Variants in DCP1A observed in about 807,000 individuals in gnomAD.
DCP1A encodes the protein mRNA-decapping enzyme 1A.
In DCP1A, 20 loss-of-function variants were observed where a neutral mutation model predicts 58.0. That is an observed-to-expected ratio of 0.34 (90% CI 0.24 to 0.50). DCP1A has a LOEUF of 0.50. Among genes scored for constraint, DCP1A ranks in the 20% least tolerant of loss-of-function variants. The probability of loss-of-function intolerance (pLI) is 0.98; values close to 1 mark genes in which losing one functional copy is unlikely to be tolerated. For missense variants in DCP1A, 613 were observed against 712.2 expected (o/e 0.86, Z 1.59); for synonymous variants, 285 against 275.1 (o/e 1.04, Z -0.36).
At chr3:53,293,474 T>C (rs1707000812) in intron 6 of DCP1A, among the ~76,000 whole-genome samples, 1 of 152,218 alleles carries the variant, frequency 6.6e-6, no homozygotes, top group African/African-American at 2.4e-5. Context: ...ATAACCTTTA[T>C]TTCCTGAGTA....
In DCP1A at chr3:53,286,386, A is replaced by G. The variant is rs782524850; in HGVS notation, c.*1194T>C. Reference sequence around the variant, plus strand: ...TTCATTCAAAGAATATCTTAAAATTACTATTGCTGAAATAAATCAAAATCT... The same window carrying G: ...TTCATTCAAAGAATATCTTAAAATTGCTATTGCTGAAATAAATCAAAATCT... On this transcript the variant is annotated 3_prime_UTR_variant, in exon 10 of 10. Transcript: ENST00000610213. The G allele has an allele frequency of 1.2e-4, 19 of 152,266 alleles. No individual in the cohort carries two copies. The highest frequency in any genetic ancestry group is 2.4e-4 in the Non-Finnish European group (16 of 68,042). The allele number at this position is 152,266 out of a possible 1,614,324, so 9.4% of individuals were successfully genotyped here.
chr3:53,336,433 CT>C (rs1302008826), intron 3 of DCP1A, among the ~76,000 whole-genome samples: 1 of 152,052 alleles, frequency 6.6e-6, no homozygotes, highest in Non-Finnish European at 1.5e-5. Context: ...ATTTGCTGTT[CT>C]TTTTACTTTA....
intron 2 of DCP1A, among the ~76,000 whole-genome samples, chr3:53,343,556 T>C (rs1276437736): frequency 6.6e-6 from 1 of 152,164 alleles, no homozygotes; most frequent in Non-Finnish European, 1.5e-5. Flanking sequence ...TTTCTAGAGA[T>C]TTATATTGCT....
intron 3 of DCP1A, among the ~76,000 whole-genome samples, chr3:53,337,411 T>C (rs969502306): frequency 2.0e-5 from 3 of 152,166 alleles, no homozygotes; most frequent in Admixed American, 6.5e-5. Flanking sequence ...ATGAGATCAT[T>C]TGTTGAGTCT....
rs2089133493 is a variant in DCP1A at position 53,337,251 on chromosome 3, ATAATACTTG to A, written c.304+4884_304+4892del. The stretch of plus-strand genomic sequence containing the variant: ...GTAATGGCCCCTACAACATTTGAAA[ATAATACTTG>A]TAAAGAGACACAAAGAGCCTGCAGC... On this transcript the variant is annotated intron_variant, in intron 3 of 9. Coordinates refer to ENST00000610213, the MANE Select transcript of DCP1A (RefSeq NM_018403.7). 1.3e-5 allele frequency among the ~76,000 whole-genome samples: 2 copies of A among 152,208 alleles called. 1 individual carries two copies. Among genetic ancestry groups the A allele is most frequent in the South Asian group, 4.1e-4 (2 of 4,834 alleles).
chr3:53,338,153 T>C (rs1553692150), intron 3 of DCP1A: 2 of 449,372 alleles, frequency 4.5e-6, no homozygotes, highest in South Asian at 1.6e-5. Context: ...AACCTGTAAG[T>C]TGAGGATCAG....
intron 4 of DCP1A, among the ~76,000 whole-genome samples, chr3:53,318,311 A>C (rs1485017647): frequency 2.6e-5 from 4 of 152,220 alleles, no homozygotes; most frequent in African/African-American, 9.6e-5. Flanking sequence ...TCTAAAAAAA[A>C]CCAAATAAAG....
At chr3:53,300,488 C>T (rs1046706356) in intron 6 of DCP1A, among the ~76,000 whole-genome samples, 7 of 152,058 alleles carry the variant, frequency 4.6e-5, no homozygotes, top group Non-Finnish European at 7.4e-5. Context: ...CAGGCATGTG[C>T]CACCACCCCT....
In DCP1A at chr3:53,288,116, G is replaced by A; in HGVS notation, c.1617C>T (p.Ser539=). 1.2e-6 allele frequency: 2 copies of A among 1,613,998 alleles called. No individual in the cohort carries two copies. The highest frequency in any genetic ancestry group is 1.3e-5 in the African/African-American group (1 of 75,038). Residue 539 remains serine, a synonymous_variant, in exon 9 of 10, where the codon TCC becomes TCT. Transcript: ENST00000610213. ...GGAGCTGAGACTTGCTGAGAATAAT[G>A]GAAGGCTTTCTCTGACTTTCTGGCG... The part of the protein sequence containing the change: ...IGTPESQRKP[S]IILSKSQLQD...
intron 8 of DCP1A, 175 bp downstream of exon 8, chr3:53,290,616 T>C (rs1276308890): frequency 1.3e-5 from 9 of 672,804 alleles, no homozygotes; most frequent in Non-Finnish European, 1.8e-5. Context: ...AAAAATAATG[T>C]GTTCTTCAGA....
intron 3 of DCP1A, among the ~76,000 whole-genome samples, chr3:53,327,330 C>T (rs775310501): frequency 6.6e-6 from 1 of 152,194 alleles, no homozygotes; most frequent in Non-Finnish European, 1.5e-5. Flanking sequence ...AAATGTCTTA[C>T]CTACAATTCT....
chr3:53,341,191 A>G (rs894212134), intron 3 of DCP1A, among the ~76,000 whole-genome samples: 15 of 152,000 alleles, frequency 9.9e-5, no homozygotes, highest in African/African-American at 3.1e-4. Context: ...GTGGTGGCTC[A>G]TGCCTATAAT....
At chr3:53,347,237 C>G in intron 1 of DCP1A, 146 bp downstream of exon 1, 8 of 994,192 alleles carry the variant, frequency 8.0e-6, no homozygotes, top group Non-Finnish European at 1.1e-5. Context: ...ACCCCTCAGG[C>G]TCTGGCTAGG....
At chr3:53,337,951 T>C (rs1265110835) in intron 3 of DCP1A, 1 of 214,448 alleles carries the variant, frequency 4.7e-6, no homozygotes. Context: ...TCATTTTCCC[T>C]AATTGCAAAG....
chr3:53,345,024 G>A (rs897286719), intron 1 of DCP1A, 82 bp from the exon 2 acceptor site: 22 of 1,045,744 alleles, frequency 2.1e-5, no homozygotes, highest in East Asian at 1.5e-4. Context: ...AATGCTTCAC[G>A]TTTAAGATCA....
At chr3:53,344,826 T>C (rs781789343) in intron 2 of DCP1A, 76 bp downstream of exon 2, 8 of 1,131,662 alleles carry the variant, frequency 7.1e-6, no homozygotes, top group Non-Finnish European at 9.2e-6. Context: ...AAGACAAATG[T>C]ACAAGAGAAT....
chr3:53,300,891 G>A (rs1380644942), intron 6 of DCP1A, among the ~76,000 whole-genome samples: 4 of 151,966 alleles, frequency 2.6e-5, no homozygotes, highest in South Asian at 2.1e-4. Context: ...CAAGGGATCC[G>A]CCTGCCTCCA....
intron 3 of DCP1A, among the ~76,000 whole-genome samples, chr3:53,331,277 C>T (rs1575616884): frequency 6.6e-6 from 1 of 152,226 alleles, no homozygotes; most frequent in African/African-American, 2.4e-5. Flanking sequence ...CCAGGTTATA[C>T]TGTAGACTGT....
chr3:53,292,466 G>A lies in DCP1A; in HGVS notation c.986C>T (p.Ala329Val). The change falls in exon 7 of 10, where the codon GCA (alanine) becomes GTA (valine). Residue 329 changes from alanine to valine, a missense_variant. Ala to Val is a moderately conservative substitution (Grantham distance 64). Coordinates refer to ENST00000610213, the MANE Select transcript of DCP1A (RefSeq NM_018403.7). ...TCGAGGTAAGCTGGGGGGAACCTGT[G>A]CAGTAGGAGCTTCAGCTGGCAGAGT... Reference protein sequence around the residue: ...SPTLPAEAPTAQVPPSLPRNS... With the variant: ...SPTLPAEAPTVQVPPSLPRNS... 1 of 1,614,026 alleles carries A rather than the reference G, an allele frequency of 6.2e-7. No individual in the cohort carries two copies. The highest frequency in any genetic ancestry group is 8.5e-7 in the Non-Finnish European group (1 of 1,179,910).
Sources: gnomAD v4.1 joint callset for allele counts (sites outside exome capture counted in the v4.1 genomes callset) on GRCh38, gnomAD v4.1.1 for gene constraint, MANE v1.5 for transcripts, NCBI Gene and HGNC (gene_info 2026-07-23, HGNC 2026-07-21) for gene names.